The following SAMD12 variants were observed in gnomAD, a reference collection of about 807,000 sequenced individuals.
The protein encoded by SAMD12 is sterile alpha motif domain containing 12.
In SAMD12, 9 loss-of-function variants were observed where a neutral mutation model predicts 15.0. The observed-to-expected ratio is 0.60, with a 90% CI of 0.36 to 1.05. SAMD12 has a LOEUF of 1.05. Among genes scored for constraint, SAMD12 ranks in the 50% least tolerant of loss-of-function variants. SAMD12 has a pLI of 0.01. For synonymous variants in SAMD12, 86 were observed against 90.1 expected (o/e 0.96, Z 0.25); for missense variants, 230 against 234.2 (o/e 0.98, Z 0.12).
At chr8:118,384,921 G>T (rs1237912417) in intron 3 of SAMD12, among the ~76,000 whole-genome samples, 3 of 152,042 alleles carry the variant, frequency 2.0e-5, no homozygotes, top group Non-Finnish European at 2.9e-5. Context: ...GCCTTATTAG[G>T]TGCCCTCAGG....
chr8:118,153,924 T>C, the SAMD12 span, among the ~76,000 whole-genome samples: 4 of 152,130 alleles, frequency 2.6e-5, no homozygotes, highest in Non-Finnish European at 5.9e-5. Flanking sequence ...TTACTCTACA[T>C]CTGAAATGAA....
chr8:118,242,625 C>T (rs2129974860), intron 4 of SAMD12, among the ~76,000 whole-genome samples: 2 of 152,050 alleles, frequency 1.3e-5, no homozygotes, highest in Middle Eastern at 3.4e-3. Context: ...TGGTTTCAGG[C>T]CTCCACTGGG....
chr8:118,169,771 G>A, the SAMD12 span, among the ~76,000 whole-genome samples: 1 of 152,314 alleles, frequency 6.6e-6, no homozygotes, highest in South Asian at 2.1e-4. Context: ...GGAATCTCCT[G>A]CTTCTAAAGT....
At chr8:118,353,145 T>G (rs1818043765) in intron 4 of SAMD12, among the ~76,000 whole-genome samples, 1 of 151,696 alleles carries the variant, frequency 6.6e-6, no homozygotes, top group African/African-American at 2.4e-5. Flanking sequence ...TTGATCTTTT[T>G]GTATGTGATG....
chr8:118,513,442 A>C (rs1825142748), intron 2 of SAMD12, among the ~76,000 whole-genome samples: 1 of 152,202 alleles, frequency 6.6e-6, no homozygotes, highest in Non-Finnish European at 1.5e-5. Context: ...TACCCTGTTA[A>C]AGAGGATGCT....
At chr8:118,285,177 C>CT (rs993915826) in intron 4 of SAMD12, among the ~76,000 whole-genome samples, 1 of 151,680 alleles carries the variant, frequency 6.6e-6, no homozygotes, top group African/African-American at 2.4e-5. Flanking sequence ...AAGAAAAAGC[C>CT]TAGATTATGC....
rs185540403 is a variant in SAMD12, at chr8:118,511,090, G to A, written c.192+69625C>T. Among the ~76,000 whole-genome samples the A allele has an allele frequency of 2.8e-3, 433 of 152,280 alleles. 1 individual carries two copies. Among genetic ancestry groups the A allele is most frequent in the Non-Finnish European group, 5.2e-3 (351 of 68,010 alleles). ...TTGCTTATCATTGACAACTCATCTAGAACGGTAGAAGAAAATTGAACTGTT... is the reference window on the plus strand; with the variant it reads ...TTGCTTATCATTGACAACTCATCTAAAACGGTAGAAGAAAATTGAACTGTT... On this transcript the variant is annotated intron_variant, in intron 2 of 3. Coordinates refer to ENST00000314727, the MANE Select transcript of SAMD12 (RefSeq NM_207506.3).
intron 4 of SAMD12, among the ~76,000 whole-genome samples, chr8:118,370,591 A>G (rs1325821991): frequency 6.6e-6 from 1 of 152,236 alleles, no homozygotes; most frequent in Non-Finnish European, 1.5e-5. Context: ...ACACCATGGA[A>G]TACTATGCAG....
At chr8:118,442,825 AT>A (rs1375692448) in intron 2 of SAMD12, among the ~76,000 whole-genome samples, 2 of 152,206 alleles carry the variant, frequency 1.3e-5, no homozygotes, top group Non-Finnish European at 2.9e-5. Flanking sequence ...AGAGGCGTAA[AT>A]TAGGAAGGGA....
At chr8:118,468,852 T>C (rs756183068) in intron 2 of SAMD12, among the ~76,000 whole-genome samples, 7 of 152,210 alleles carry the variant, frequency 4.6e-5, no homozygotes, top group Non-Finnish European at 8.8e-5. Context: ...TAAGGAGATA[T>C]AGCACGGTAG....
At chr8:118,380,626 C>T (rs1426715387) in intron 3 of SAMD12, among the ~76,000 whole-genome samples, 1 of 152,218 alleles carries the variant, frequency 6.6e-6, no homozygotes, top group Non-Finnish European at 1.5e-5. Flanking sequence ...ACCCACTACT[C>T]TTCTCCGACA....
chr8:118,363,215 G>A (rs1420458158), intron 4 of SAMD12, among the ~76,000 whole-genome samples: 3 of 152,190 alleles, frequency 2.0e-5, no homozygotes, highest in South Asian at 2.1e-4. Context: ...TACACACTGC[G>A]ATGGTTAATT....
chr8:118,252,624 CCCT>C (rs1812845861), intron 4 of SAMD12, among the ~76,000 whole-genome samples: 1 of 152,074 alleles, frequency 6.6e-6, no homozygotes, highest in Non-Finnish European at 1.5e-5. Context: ...CTTACTCCCT[CCCT>C]CCTTTCTCTC....
At chr8:118,201,184 C>T (rs1312957775) in intron 4 of SAMD12, among the ~76,000 whole-genome samples, 2 of 152,176 alleles carry the variant, frequency 1.3e-5, no homozygotes, top group Non-Finnish European at 2.9e-5. Flanking sequence ...AATATGTGGT[C>T]TTTGATATAC....
At chr8:118,551,479 G>A (rs1447532059) in intron 2 of SAMD12, among the ~76,000 whole-genome samples, 7 of 151,766 alleles carry the variant, frequency 4.6e-5, no homozygotes, top group South Asian at 2.1e-4. Context: ...TGAAACCAAC[G>A]AGAACAAAGA....
At chr8:118,483,314 C>T (rs1453891360) in intron 2 of SAMD12, among the ~76,000 whole-genome samples, 1 of 152,218 alleles carries the variant, frequency 6.6e-6, no homozygotes, top group African/African-American at 2.4e-5. Flanking sequence ...TTTGCATTAA[C>T]ATGTACTTTT....
chr8:118,436,253 A>T (rs1434321946), intron 3 of SAMD12, among the ~76,000 whole-genome samples: 2 of 152,208 alleles, frequency 1.3e-5, no homozygotes, highest in Admixed American at 1.3e-4. Context: ...AATGCCCATT[A>T]TATGTCAGTC....
chr8:118,610,913 A>T (rs1828093275), intron 1 of SAMD12, among the ~76,000 whole-genome samples: 2 of 152,220 alleles, frequency 1.3e-5, no homozygotes, highest in Admixed American at 1.3e-4. Flanking sequence ...TAGATCAGTC[A>T]GGGTCTCCTA....
At chr8:118,472,030 G>A (rs112854067) in intron 2 of SAMD12, among the ~76,000 whole-genome samples, 7 of 145,754 alleles carry the variant, frequency 4.8e-5, no homozygotes, top group African/African-American at 1.7e-4. Context: ...GCTCACGCCT[G>A]TAATCCCAGC....
Sources: gnomAD v4.1 joint callset for allele counts (sites outside exome capture counted in the v4.1 genomes callset) on GRCh38, gnomAD v4.1.1 for gene constraint, MANE v1.5 for transcripts, NCBI Gene and HGNC (gene_info 2026-07-23, HGNC 2026-07-21) for gene names.